The following TXNRD2 variants were observed in gnomAD, a reference collection of about 807,000 sequenced individuals.
TXNRD2 encodes the protein thioredoxin reductase 2.
TXNRD2 carries 67 observed loss-of-function variants against 70.8 expected under a neutral mutation model. That is an observed-to-expected ratio of 0.95 (90% CI 0.78 to 1.16). The LOEUF (loss-of-function observed/expected upper bound fraction) is 1.16, where lower values mean the gene tolerates loss of function less well. Among genes scored for constraint, TXNRD2 ranks in the 50% most tolerant of loss-of-function variants. TXNRD2 has a pLI of 0.00. For synonymous variants in TXNRD2, 301 were observed against 295.8 expected, an observed-to-expected ratio of 1.02 and a Z score of -0.18; for missense variants, 644 against 719.9, an observed-to-expected ratio of 0.89 and a Z score of 1.21.
At chr22:19,891,438 G>T (rs1191616293) in intron 11 of TXNRD2, 1 of 152,574 alleles carries the variant, frequency 6.6e-6, no homozygotes, top group Non-Finnish European at 1.5e-5. Context: ...CAGAGGGGCT[G>T]GGGACGCCAA....
At chr22:19,912,534 G>T (rs1006010637) in intron 7 of TXNRD2, among the ~76,000 whole-genome samples, 1 of 152,216 alleles carries the variant, frequency 6.6e-6, no homozygotes, top group Non-Finnish European at 1.5e-5. Flanking sequence ...GTGCAGCTCT[G>T]CCTGGGGCCT....
At chr22:19,907,183 G>A (rs1307185017) in intron 8 of TXNRD2, among the ~76,000 whole-genome samples, 207 of 75,172 alleles carry the variant, frequency 2.8e-3, no homozygotes, top group Middle Eastern at 7.6e-3. Flanking sequence ...GGCGCACCAT[G>A]AGTAGCAGTG....
intron 8 of TXNRD2, among the ~76,000 whole-genome samples, chr22:19,904,575 C>T (rs1223534300): frequency 2.0e-5 from 3 of 152,210 alleles, no homozygotes; most frequent in East Asian, 3.9e-4. Context: ...GGGCACCACT[C>T]GCCAGATCTG....
intron 1 of TXNRD2, among the ~76,000 whole-genome samples, chr22:19,937,425 G>C (rs923675241): frequency 6.6e-6 from 1 of 152,164 alleles, no homozygotes; most frequent in African/African-American, 2.4e-5. Context: ...TGAAAAATCT[G>C]TCTCTGATGA....
intron 10 of TXNRD2, among the ~76,000 whole-genome samples, chr22:19,897,794 C>T (rs1474673521): frequency 6.6e-6 from 1 of 152,222 alleles, no homozygotes; most frequent in Admixed American, 6.5e-5. Context: ...GCTGAGCCTC[C>T]CTTCACTGTG....
At chr22:19,899,159 G>A (rs1939657614) in intron 8 of TXNRD2, 91 bp from the exon 9 acceptor site, 1 of 1,558,574 alleles carries the variant, frequency 6.4e-7, no homozygotes, top group African/African-American at 1.3e-5. Flanking sequence ...CTTTGCCCAG[G>A]CCCTTGGTCA....
intron 10 of TXNRD2, among the ~76,000 whole-genome samples, chr22:19,897,270 C>G (rs1485627112): frequency 6.6e-6 from 1 of 152,190 alleles, no homozygotes; most frequent in Non-Finnish European, 1.5e-5. Context: ...CCTCAGGTGA[C>G]CTCCTCAGGC....
intron 8 of TXNRD2, among the ~76,000 whole-genome samples, chr22:19,905,939 G>A (rs1878432827): frequency 6.6e-6 from 1 of 151,798 alleles, no homozygotes; most frequent in African/African-American, 2.4e-5. Flanking sequence ...AAAATCTTGG[G>A]GGTGGGGCAG....
chr22:19,889,901 ATGT>A (rs1279998878), intron 11 of TXNRD2, among the ~76,000 whole-genome samples: 1 of 137,302 alleles, frequency 7.3e-6, no homozygotes, highest in African/African-American at 2.5e-5. Flanking sequence ...ACTTTTCACC[ATGT>A]TGTTCTTTTT....
chr22:19,880,188 C>T lies in TXNRD2; in HGVS notation c.1266G>A (p.Glu422=), dbSNP rs1569070557. 1.2e-6 allele frequency: 2 copies of T among 1,613,274 alleles called. No homozygotes were observed. The highest frequency in any genetic ancestry group is 1.3e-5 in the African/African-American group (1 of 75,070). Residue 422 remains glutamate, a synonymous_variant, in exon 14 of 18, where the codon GAG becomes GAA. Coordinates refer to ENST00000400521, the MANE Select transcript of TXNRD2 (RefSeq NM_006440.5). Reference sequence around the variant, plus strand: ...TGCTCCCAGGCCTCACCTCAACATGCTCCTGCCCGTGGCGAGCCACTGCCT... The same window carrying T: ...TGCTCCCAGGCCTCACCTCAACATGTTCCTGCCCGTGGCGAGCCACTGCCT... ...EEEAVARHGQ[E]HVEVYHAHYK...
At chr22:19,926,285 T>C (rs1601470756) in intron 2 of TXNRD2, among the ~76,000 whole-genome samples, 2 of 146,992 alleles carry the variant, frequency 1.4e-5, no homozygotes, top group African/African-American at 5.1e-5. Flanking sequence ...AGGTCAAGAG[T>C]TCAAGACCAG....
chr22:19,903,518 C>T (rs569077725), intron 8 of TXNRD2, among the ~76,000 whole-genome samples: 1 of 152,346 alleles, frequency 6.6e-6, no homozygotes, highest in South Asian at 2.1e-4. Flanking sequence ...GAGGCAGAGA[C>T]AAGGCACACT....
At chr22:19,887,491 C>A (rs1379872690) in intron 11 of TXNRD2, 1 of 152,226 alleles carries the variant, frequency 6.6e-6, no homozygotes, top group Non-Finnish European at 1.5e-5. Context: ...CTGTCCATCA[C>A]CACCAAGGGC....
chr22:19,931,177 C>T, intron 1 of TXNRD2, 79 bp from the exon 2 acceptor site: 1 of 1,329,206 alleles, frequency 7.5e-7, no homozygotes, highest in Non-Finnish European at 1.1e-6. Flanking sequence ...CAGGATTGGA[C>T]ACTCCATTCT....
chr22:19,921,221 C>G (rs185496580), intron 2 of TXNRD2, among the ~76,000 whole-genome samples: 1 of 151,886 alleles, frequency 6.6e-6, no homozygotes, highest in African/African-American at 2.4e-5. Flanking sequence ...TTGAGACCAG[C>G]CTGGGCAATA....
intron 17 of TXNRD2, 151 bp downstream of exon 17, chr22:19,876,889 A>C (rs1601376499): frequency 2.0e-6 from 1 of 512,040 alleles, no homozygotes; most frequent in Admixed American, 3.6e-5. Flanking sequence ...TCTGCCTGTC[A>C]CCGCTGTGGC....
At position 19,941,699 on chromosome 22, in the gene TXNRD2, A is replaced by G; in HGVS notation, c.103+2T>C. Reference sequence around the variant, plus strand: ...CGCGGGGACGCCCCGACCCCATCCTACCTGCTGCGCCCCGCGCCGCGCCCC... The same window carrying G: ...CGCGGGGACGCCCCGACCCCATCCTGCCTGCTGCGCCCCGCGCCGCGCCCC... On this transcript the variant is annotated splice_donor_variant, in intron 1 of 17. Coordinates refer to ENST00000400521, the MANE Select transcript of TXNRD2 (RefSeq NM_006440.5). LOFTEE classifies it high-confidence loss of function. The G allele has an allele frequency of 6.7e-7, 1 of 1,481,726 alleles. No individual in the cohort carries two copies. Among genetic ancestry groups the G allele is most frequent in the East Asian group, 2.8e-5 (1 of 35,220 alleles). 91.8% of individuals were successfully genotyped at this position (1,481,726 alleles called of 1,614,324 possible).
At chr22:19,920,140 C>T (rs966034848) in intron 2 of TXNRD2, among the ~76,000 whole-genome samples, 21 of 152,206 alleles carry the variant, frequency 1.4e-4, no homozygotes, top group Non-Finnish European at 2.8e-4. Flanking sequence ...GGAGAAGTGA[C>T]GCAGCAGCCC....
chr22:19,925,685 C>T (rs1219371024), intron 2 of TXNRD2, among the ~76,000 whole-genome samples: 2 of 151,680 alleles, frequency 1.3e-5, no homozygotes, highest in African/African-American at 4.9e-5. Context: ...TAAAGCAACT[C>T]AAAATAAATC....
Sources: allele counts gnomAD v4.1 joint callset (sites outside exome capture counted in the v4.1 genomes callset), GRCh38; gene constraint gnomAD v4.1.1; transcripts MANE v1.5; gene names NCBI Gene and HGNC (gene_info 2026-07-23, HGNC 2026-07-21).